Variants in TSNARE1 observed in about 807,000 individuals in gnomAD.
TSNARE1 encodes t-SNARE domain containing 1.
TSNARE1 carries 49 observed loss-of-function variants against 62.0 expected under a neutral mutation model. That is an observed-to-expected ratio of 0.79 (90% CI 0.63 to 1.00). The LOEUF (loss-of-function observed/expected upper bound fraction) is 1.00. Ranked by LOEUF, TSNARE1 falls within the 50% of genes least tolerant of loss-of-function variation. TSNARE1 has a pLI of 0.00. For missense variants in TSNARE1, 755 were observed against 700.1 expected, an observed-to-expected ratio of 1.08 and a Z score of -0.88; for synonymous variants, 328 against 294.4, an observed-to-expected ratio of 1.11 and a Z score of -1.17.
chr8:142,248,991 T>G (rs1818023609), intron 12 of TSNARE1, among the ~76,000 whole-genome samples: 1 of 152,190 alleles, frequency 6.6e-6, no homozygotes, highest in Admixed American at 6.5e-5. Flanking sequence ...GCCAGCCCTG[T>G]GGCCTTGGGC....
chr8:142,319,156 C>T lies in TSNARE1; in HGVS notation c.894-522G>A, dbSNP rs996439536. On this transcript the variant is annotated intron_variant, in intron 6 of 13. Coordinates refer to ENST00000524325, the MANE Select transcript of TSNARE1 (RefSeq NM_145003.5). This position sits in a 1 kb window ranked among gnomAD's most constrained non-coding sequence, Gnocchi z 4.9. ...GGCCACTGCGAGGACCACCTTGCTC[C>T]GCCGCAACCACCCCCAAATACCCCA... Among the ~76,000 whole-genome samples the T allele has an allele frequency of 6.6e-6, 1 of 152,010 alleles. No individual in the cohort carries two copies. Among genetic ancestry groups the T allele is most frequent in the African/African-American group, 2.4e-5 (1 of 41,382 alleles).
chr8:142,383,079 C>G (rs1039214037), intron 1 of TSNARE1, among the ~76,000 whole-genome samples: 1 of 152,160 alleles, frequency 6.6e-6, no homozygotes, highest in South Asian at 2.1e-4. Context: ...CAGGGAAAGG[C>G]TGGCCCTAGC....
At chr8:142,227,174 C>T (rs1160792340) in intron 13 of TSNARE1, among the ~76,000 whole-genome samples, 1 of 151,460 alleles carries the variant, frequency 6.6e-6, no homozygotes, top group African/African-American at 2.4e-5. Flanking sequence ...CCACTGTGCC[C>T]ACACCCCAGT....
Position 142,393,424 on chromosome 8 carries a change from G to A in TSNARE1, c.-40+9680C>T, listed in dbSNP as rs112529778. Among the ~76,000 whole-genome samples the A allele has an allele frequency of 2.4e-3, 367 of 152,368 alleles. 1 individual carries two copies. Among genetic ancestry groups the A allele is most frequent in the Middle Eastern group, 0.014 (4 of 294 alleles). ...GACGGAAACCTCTGGCATGGCGGCC[G>A]CGTCGGCCAATCCGCTGGCTGTGCT... On this transcript the variant is annotated intron_variant, in intron 1 of 13. Transcript: ENST00000524325.
At chr8:142,327,394 G>T (rs1332918707) in intron 6 of TSNARE1, among the ~76,000 whole-genome samples, 1 of 151,914 alleles carries the variant, frequency 6.6e-6, no homozygotes, top group Non-Finnish European at 1.5e-5. Context: ...CCGGCGAATG[G>T]GTGTGTCCTC....
At chr8:142,393,691 C>T (rs1277199590) in intron 1 of TSNARE1, among the ~76,000 whole-genome samples, 1 of 152,220 alleles carries the variant, frequency 6.6e-6, no homozygotes, top group African/African-American at 2.4e-5. Context: ...GGAGCAGAGG[C>T]CTAGAGGGAG....
intron 1 of TSNARE1, among the ~76,000 whole-genome samples, chr8:142,391,693 G>C (rs1161726190): frequency 6.6e-6 from 1 of 152,246 alleles, no homozygotes; most frequent in South Asian, 2.1e-4. Flanking sequence ...GCCTTGCATG[G>C]AGCCAGCACC....
At chr8:142,278,974 T>C (rs1820952184) in intron 11 of TSNARE1, among the ~76,000 whole-genome samples, 2 of 152,216 alleles carry the variant, frequency 1.3e-5, no homozygotes. Context: ...CTGGGAGCTA[T>C]GTCAAGGGCC....
At chr8:142,314,826 A>G (rs1828271063) in intron 8 of TSNARE1, among the ~76,000 whole-genome samples, 177 bp downstream of exon 8, 1 of 152,236 alleles carries the variant, frequency 6.6e-6, no homozygotes, top group African/African-American at 2.4e-5. Context: ...ACATGCCCTG[A>G]GGCACAGTCT....
At chr8:142,382,182 A>G (rs1836813346) in intron 1 of TSNARE1, among the ~76,000 whole-genome samples, 1 of 152,104 alleles carries the variant, frequency 6.6e-6, no homozygotes, top group Admixed American at 6.5e-5. Context: ...CCAGAGGAGG[A>G]GGAGGGCCCA....
chr8:142,337,071 C>T (rs1831852129), intron 4 of TSNARE1, among the ~76,000 whole-genome samples: 1 of 151,962 alleles, frequency 6.6e-6, no homozygotes, highest in Non-Finnish European at 1.5e-5. Flanking sequence ...CTGACAAAAG[C>T]ATTAACCCAA....
In TSNARE1 at chr8:142,275,915, G is replaced by C. The variant is rs1451250773; in HGVS notation, c.1364-1052C>G. On this transcript the variant is annotated intron_variant, in intron 11 of 13. Coordinates refer to ENST00000524325, the MANE Select transcript of TSNARE1 (RefSeq NM_145003.5). Reference sequence around the variant, plus strand: ...GACAAGGCCACTCCCCACCGTCCCAGCAAGGACTCCCTACTCTCATCAGGG... The same window carrying C: ...GACAAGGCCACTCCCCACCGTCCCACCAAGGACTCCCTACTCTCATCAGGG... 5 of 985,274 alleles carry C rather than the reference G, an allele frequency of 5.1e-6. No individual in the cohort carries two copies. The African/African-American group carries it at 8.7e-5, about 17-fold the overall frequency. The allele number at this position is 985,274 out of a possible 1,614,324, so 61.0% of individuals were successfully genotyped here. A position where few individuals can be genotyped will look rare whatever the true frequency, so the allele number is the denominator to read the frequency against.
chr8:142,270,629 C>G (rs1307115534), intron 12 of TSNARE1: 1 of 985,182 alleles, frequency 1.0e-6, no homozygotes, highest in African/African-American at 1.7e-5. Flanking sequence ...ACCAAAGGGA[C>G]AGGGGCTTTC....
At chr8:142,262,740 C>A (rs1194125229) in intron 12 of TSNARE1, among the ~76,000 whole-genome samples, 1 of 151,636 alleles carries the variant, frequency 6.6e-6, no homozygotes, top group Non-Finnish European at 1.5e-5. Flanking sequence ...TCGCCTTCCA[C>A]CATGATTGTA....
At chr8:142,277,537 GC>G in intron 11 of TSNARE1, 3 of 985,448 alleles carry the variant, frequency 3.0e-6, no homozygotes, top group South Asian at 9.4e-5. Flanking sequence ...CAGCTGGGAT[GC>G]CCCCACCCTG....
chr8:142,310,945 G>A (rs1454514809), intron 9 of TSNARE1, among the ~76,000 whole-genome samples: 2 of 152,020 alleles, frequency 1.3e-5, no homozygotes, highest in Non-Finnish European at 2.9e-5. Context: ...CATCACCCAG[G>A]TTCAAGCAAT....
chr8:142,282,462 G>A (rs1290215641), intron 11 of TSNARE1, among the ~76,000 whole-genome samples: 1 of 151,800 alleles, frequency 6.6e-6, no homozygotes, highest in African/African-American at 2.4e-5. Context: ...AATGAGCAAA[G>A]GGGAGGCCAC....
intron 1 of TSNARE1, among the ~76,000 whole-genome samples, chr8:142,399,482 T>C (rs1037571658): frequency 1.3e-5 from 2 of 152,160 alleles, no homozygotes; most frequent in Non-Finnish European, 2.9e-5. Flanking sequence ...AATGATGATC[T>C]TCCCCAGCTG....
intron 12 of TSNARE1, among the ~76,000 whole-genome samples, chr8:142,250,499 G>A (rs574850192): frequency 1.4e-4 from 22 of 152,268 alleles, no homozygotes; most frequent in Admixed American, 9.8e-4. Flanking sequence ...TTGGTGAGGC[G>A]GACACTCACC....
Sources: allele counts gnomAD v4.1 joint callset (sites outside exome capture counted in the v4.1 genomes callset), GRCh38; gene constraint gnomAD v4.1.1; non-coding constraint Gnocchi (gnomAD v3.1); transcripts MANE v1.5; gene names NCBI Gene and HGNC (gene_info 2026-07-23, HGNC 2026-07-21).